Variants in FYTTD1 observed in about 807,000 individuals in gnomAD.
FYTTD1 encodes forty-two-three domain containing 1, also known as UAP56-interacting factor.
Under a neutral mutation model 40.9 loss-of-function variants are expected in FYTTD1, and 22 were observed. The observed-to-expected ratio is 0.54, with a 90% CI of 0.38 to 0.77. FYTTD1 has a LOEUF of 0.77. Among genes scored for constraint, FYTTD1 ranks in the 30% least tolerant of loss-of-function variants. The probability of loss-of-function intolerance (pLI) is 0.00; values close to 1 mark genes in which losing one functional copy is unlikely to be tolerated. For missense variants in FYTTD1, 351 were observed against 392.2 expected (o/e 0.90, Z 0.89); for synonymous variants, 140 against 137.9 (o/e 1.01, Z -0.10).
Position 197,782,300 on chromosome 3 carries a change from A to G in FYTTD1, c.*391A>G, listed in dbSNP as rs1730049858. On this transcript the variant is annotated 3_prime_UTR_variant, in exon 9 of 9. Transcript: ENST00000241502. ...GTAAATCCTGGTCTTCATAAACATG[A>G]GTAGGTCCCTTGGTTGCTGTCACTT... The G allele has an allele frequency of 6.5e-6, 1 of 153,990 alleles. No homozygotes were observed. The highest frequency in any genetic ancestry group is 2.4e-5 in the African/African-American group (1 of 41,514). The allele number at this position is 153,990 out of a possible 1,614,324, so 9.5% of individuals were successfully genotyped here.
intron 3 of FYTTD1, among the ~76,000 whole-genome samples, chr3:197,768,817 G>A (rs937330435): frequency 1.3e-5 from 2 of 152,090 alleles, no homozygotes; most frequent in African/African-American, 4.8e-5. Context: ...TTTATATATA[G>A]AGTCTTGCTC....
rs750874230 is a variant in FYTTD1, at chr3:197,750,033, C to A, written c.62C>A (p.Ala21Asp). ...ATATSSPPPKARSNENLDKID... is the reference protein window; with the variant it reads ...ATATSSPPPKDRSNENLDKID... ...GCGACTTCTTCGCCGCCGCCGAAGG[C>A]CCGCAGCAATGAAAACCTCGACAAA... is the stretch of plus-strand genomic sequence containing the variant. The change falls in exon 1 of 9, where the codon GCC becomes GAC. Residue 21 changes from alanine (A) to aspartate (D), a missense_variant. Ala to Asp is a moderately radical substitution (Grantham distance 126). Transcript: ENST00000241502. 1.1e-5 allele frequency: 18 copies of A among 1,582,326 alleles called. No individual in the cohort carries two copies. The highest frequency in any genetic ancestry group is 1.8e-5 in the Admixed American group (1 of 56,532).
intron 8 of FYTTD1, among the ~76,000 whole-genome samples, chr3:197,781,513 A>G (rs554795534): frequency 6.6e-6 from 1 of 152,272 alleles, no homozygotes; most frequent in Non-Finnish European, 1.5e-5. Flanking sequence ...TACAGGTCTG[A>G]AGAGTTCTTA....
At chr3:197,781,751 C>T (rs577634860) in intron 8 of FYTTD1, 60 bp from the exon 9 acceptor site, 119 of 1,139,366 alleles carry the variant, frequency 1.0e-4, no homozygotes, top group Middle Eastern at 5.9e-4. Context: ...GCAAATATGG[C>T]CTTCAGTAAA....
chr3:197,775,058 A>G (rs1024653445), intron 6 of FYTTD1, among the ~76,000 whole-genome samples: 2 of 152,196 alleles, frequency 1.3e-5, no homozygotes, highest in Non-Finnish European at 2.9e-5. Flanking sequence ...TATTGGCTAT[A>G]CCATTTTAAT....
At chr3:197,770,296 C>A in intron 4 of FYTTD1, 52 bp downstream of exon 4, 1 of 1,102,864 alleles carries the variant, frequency 9.1e-7, no homozygotes, top group Non-Finnish European at 1.4e-6. Flanking sequence ...ACACTTCCTG[C>A]ATTAAGTGGT....
intron 4 of FYTTD1, among the ~76,000 whole-genome samples, chr3:197,772,912 A>G (rs934003470): frequency 1.1e-4 from 16 of 152,134 alleles, no homozygotes; most frequent in African/African-American, 3.6e-4. Context: ...CCTGGCCTCT[A>G]TGGTTTATGT....
chr3:197,766,827 A>G (rs895092375), intron 2 of FYTTD1, among the ~76,000 whole-genome samples: 3 of 152,140 alleles, frequency 2.0e-5, no homozygotes, highest in Admixed American at 2.0e-4. Flanking sequence ...ACCTTCTACT[A>G]TAAAATTGAG....
chr3:197,759,567 G>GT (rs1212136534), intron 2 of FYTTD1, among the ~76,000 whole-genome samples: 1 of 151,018 alleles, frequency 6.6e-6, no homozygotes, highest in Non-Finnish European at 1.5e-5. Context: ...AACGTATAGA[G>GT]TGTTCTTCAG....
intron 5 of FYTTD1, 41 bp downstream of exon 5, chr3:197,773,540 T>TTTGC (rs1729779473): frequency 7.8e-7 from 1 of 1,275,760 alleles, no homozygotes; most frequent in Non-Finnish European, 1.1e-6. Context: ...TGTTTGTTTG[T>TTTGC]TTTTTCCCAA....
intron 1 of FYTTD1, 53 bp downstream of exon 1, chr3:197,750,127 G>A: frequency 9.4e-6 from 13 of 1,376,550 alleles, no homozygotes; most frequent in Non-Finnish European, 1.3e-5. Context: ...GCGGGTGGAA[G>A]CCGGCGGCGC....
chr3:197,756,843 A>G (rs890776338), intron 2 of FYTTD1, among the ~76,000 whole-genome samples: 1 of 152,250 alleles, frequency 6.6e-6, no homozygotes, highest in African/African-American at 2.4e-5. Context: ...CTTATATATC[A>G]TGAGCTCCTA....
intron 2 of FYTTD1, 94 bp downstream of exon 2, chr3:197,756,651 A>C (rs1408515327): frequency 2.6e-6 from 3 of 1,158,486 alleles, no homozygotes; most frequent in Admixed American, 1.9e-5. Flanking sequence ...GGAATGCGTC[A>C]GTACTCTTTG....
chr3:197,761,060 AGTT>A (rs1729371781), intron 2 of FYTTD1, among the ~76,000 whole-genome samples: 1 of 148,152 alleles, frequency 6.7e-6, no homozygotes, highest in Admixed American at 6.7e-5. Flanking sequence ...GAATGTATAG[AGTT>A]GTTCCTCAGT....
At position 197,785,353 on chromosome 3, in the gene FYTTD1, T is replaced by C. The variant is rs911044857; in HGVS notation, c.*3444T>C. The C allele has an allele frequency of 1.3e-5, 2 of 152,222 alleles. No homozygotes were observed. The highest frequency in any genetic ancestry group is 2.4e-5 in the African/African-American group (1 of 41,454). The allele number at this position is 152,222 out of a possible 1,614,324, so 9.4% of individuals were successfully genotyped here. On this transcript the variant is annotated 3_prime_UTR_variant, in exon 9 of 9. Transcript: ENST00000241502. ...GCCCACTGTGTACATGGATTTTCCA[T>C]TCCAAGATGTTTTTTTGGTTCAAAA...
intron 2 of FYTTD1, among the ~76,000 whole-genome samples, chr3:197,766,430 G>GGTGTGTGTGTGTGTGTGTGT (rs111725145): frequency 0.16 from 21,267 of 134,700 alleles, 1,982 homozygotes; most frequent in South Asian, 0.25. Flanking sequence ...GTTTGAGACT[G>GGTGTGTGTGTGTGTGTGTGT]GTGTGTGTGT....
In FYTTD1 at chr3:197,768,466, G is replaced by C; in HGVS notation, c.263G>C (p.Arg88Thr). The C allele has an allele frequency of 6.2e-7, 1 of 1,611,936 alleles. No homozygotes were observed. The highest frequency in any genetic ancestry group is 8.5e-7 in the Non-Finnish European group (1 of 1,178,346). Residue 88 changes from arginine to threonine, a missense_variant, in exon 3 of 9, where the codon AGA (arginine) becomes ACA (threonine). By Grantham distance (71) the Arg-to-Thr change is moderately conservative (BLOSUM62 -1). Transcript: ENST00000241502. ...TTTGGTAAGACTAGTCTGAATCGTA[G>C]AGGAAGAGTAATGCCTGGAAAGAGA... Reference protein sequence around the residue: ...SGFGKTSLNRRGRVMPGKRRP... With the variant: ...SGFGKTSLNRTGRVMPGKRRP...
chr3:197,750,491 C>A, intron 1 of FYTTD1: 1 of 988,702 alleles, frequency 1.0e-6, no homozygotes, highest in Non-Finnish European at 1.2e-6. Context: ...ATGGTCCGAC[C>A]GAGCCGTTCT....
chr3:197,773,398 T>C lies in FYTTD1; in HGVS notation c.498-5T>C, dbSNP rs373471888. 1.9e-5 allele frequency: 30 copies of C among 1,567,212 alleles called. No homozygotes were observed. The African/African-American group carries it at 2.4e-4, about 13-fold the overall frequency. On this transcript the variant is annotated splice_region_variant and splice_polypyrimidine_tract_variant and intron_variant, in intron 4 of 8. Coordinates refer to ENST00000241502, the MANE Select transcript of FYTTD1 (RefSeq NM_032288.7). ...CTTAGCATGGCCTATGTGTTTTTGT[T>C]GCAGAAATAACATTCCAGCTAATTT... is the stretch of plus-strand genomic sequence containing the variant.
Sources: allele counts gnomAD v4.1 joint callset (sites outside exome capture counted in the v4.1 genomes callset), GRCh38; gene constraint gnomAD v4.1.1; transcripts MANE v1.5; gene names NCBI Gene and HGNC (gene_info 2026-07-23, HGNC 2026-07-21).